The following ENO1 variants were observed in gnomAD, a reference collection of about 807,000 sequenced individuals.
ENO1 encodes enolase 1.
In ENO1, 33 loss-of-function variants were observed where a neutral mutation model predicts 46.3. The observed-to-expected ratio is 0.71, with a 90% CI of 0.54 to 0.95. The LOEUF is 0.95. ENO1 is among the 40% of genes least tolerant of loss of function. ENO1 has a pLI of 0.00. For missense variants in ENO1, 488 were observed against 553.3 expected (o/e 0.88, Z 1.18); for synonymous variants, 220 against 216.0 (o/e 1.02, Z -0.16).
intron 10 of ENO1, 114 bp downstream of exon 10, chr1:8,863,121 G>A (rs1416417009): frequency 1.4e-6 from 2 of 1,382,528 alleles, no homozygotes; most frequent in African/African-American, 1.4e-5. Context: ...TCAGAAACAA[G>A]AGCACTGACT....
Position 8,861,071 on chromosome 1 carries a change from G to A in ENO1, c.*289C>T, listed in dbSNP as rs943190387. 15 of 365,824 alleles carry A rather than the reference G, an allele frequency of 4.1e-5. No homozygotes were observed. The highest frequency in any genetic ancestry group is 1.0e-4 in the African/African-American group (5 of 48,524). 22.7% of individuals were successfully genotyped at this position (365,824 alleles called of 1,614,324 possible). On this transcript the variant is annotated 3_prime_UTR_variant, in exon 12 of 12. Coordinates refer to ENST00000234590, the MANE Select transcript of ENO1 (RefSeq NM_001428.5). ...CGGGGATCTAGCCTGTGGCCACCCC[G>A]GAGATGACACGAGGCTCACATGACT...
rs1642563258 is a variant in ENO1, at chr1:8,868,173, G to A, written c.241-116C>T. The A allele has an allele frequency of 6.2e-6, 5 of 801,070 alleles. No homozygotes were observed. The South Asian group carries it at 8.9e-5, about 14-fold the overall frequency. 49.6% of individuals were successfully genotyped at this position (801,070 alleles called of 1,614,324 possible). On this transcript the variant is annotated intron_variant, in intron 4 of 11. Transcript: ENST00000234590. ...GTAATATCAAAATCAATTCTGTGATGTTTGTTTTATAAGCAAAAAAAGTGG... is the reference window on the plus strand; with the variant it reads ...GTAATATCAAAATCAATTCTGTGATATTTGTTTTATAAGCAAAAAAAGTGG...
chr1:8,877,285 C>A (rs546795831), intron 1 of ENO1, among the ~76,000 whole-genome samples: 5 of 151,656 alleles, frequency 3.3e-5, no homozygotes, highest in East Asian at 2.0e-4. Flanking sequence ...CGGGGTTTCA[C>A]CACGTTGGTC....
chr1:8,873,960 TAAG>T (rs1642685497), intron 2 of ENO1: 1 of 152,206 alleles, frequency 6.6e-6, no homozygotes, highest in Non-Finnish European at 1.5e-5. Flanking sequence ...TAATTTTTCA[TAAG>T]AAAACTCCTC....
At chr1:8,867,810 G>A (rs560732352) in intron 5 of ENO1, among the ~76,000 whole-genome samples, 178 bp downstream of exon 5, 11 of 152,270 alleles carry the variant, frequency 7.2e-5, no homozygotes, top group South Asian at 4.1e-4. Flanking sequence ...GATTACAGGC[G>A]TGAGCCACCG....
At chr1:8,878,379 C>T (rs1029698182) in intron 1 of ENO1, 4 of 315,572 alleles carry the variant, frequency 1.3e-5, no homozygotes, top group South Asian at 7.0e-5. Flanking sequence ...CCAGCACGTG[C>T]GCCTGGCATT....
At chr1:8,866,237 G>A (rs878907980) in intron 7 of ENO1, 42 bp downstream of exon 7, 10 of 1,588,672 alleles carry the variant, frequency 6.3e-6, no homozygotes, top group Middle Eastern at 1.8e-4. Flanking sequence ...GGGAGCTGGC[G>A]CTGCAGGGCT....
At chr1:8,870,628 G>A in intron 3 of ENO1, 118 bp from the exon 4 acceptor site, 1 of 1,537,178 alleles carries the variant, frequency 6.5e-7, no homozygotes, top group African/African-American at 1.4e-5. Context: ...ACCTTCTGTG[G>A]GACCTCTTCC....
intron 6 of ENO1, 115 bp from the exon 7 acceptor site, chr1:8,866,616 T>C: frequency 8.9e-7 from 1 of 1,128,800 alleles, no homozygotes; most frequent in Non-Finnish European, 1.3e-6. Context: ...AAGACTTGCT[T>C]CTTGAGGAGC....
At chr1:8,863,468 T>A in intron 9 of ENO1, 125 bp from the exon 10 acceptor site, 2 of 926,384 alleles carry the variant, frequency 2.2e-6, no homozygotes, top group Non-Finnish European at 3.2e-6. Flanking sequence ...AAGCCCTCCA[T>A]GCCTGGGCTT....
At chr1:8,867,020 CAT>C in intron 6 of ENO1, 95 bp downstream of exon 6, 1 of 1,522,854 alleles carries the variant, frequency 6.6e-7, no homozygotes, top group African/African-American at 1.4e-5. Flanking sequence ...GGGAGAGTCA[CAT>C]GTGTTAGGAT....
intron 1 of ENO1, among the ~76,000 whole-genome samples, chr1:8,875,612 T>C (rs891246474): frequency 2.6e-5 from 4 of 152,206 alleles, no homozygotes; most frequent in African/African-American, 9.7e-5. Context: ...TTCAGATTAA[T>C]ATTCACTTAG....
Position 8,870,470 on chromosome 1 carries a change from C to T in ENO1, c.222G>A (p.Ala74=), listed in dbSNP as rs879912370. ...GTCCTACCTTGCTAACCAGGGCAGG[C>T]GCAATAGTTTTATTGATGTGCTCAA... The part of the protein sequence containing the change: ...KAVEHINKTI[A]PALVSKKLNV... The change falls in exon 4 of 12, where the codon GCG becomes GCA. Residue 74 remains alanine, a synonymous_variant. Transcript: ENST00000234590. The T allele has an allele frequency of 2.4e-5, 39 of 1,613,978 alleles. No homozygotes were observed. The highest frequency in any genetic ancestry group is 3.0e-5 in the Non-Finnish European group (35 of 1,180,022).
At chr1:8,866,252 G>C (rs368373202) in intron 7 of ENO1, 27 bp downstream of exon 7, 369 of 1,600,718 alleles carry the variant, frequency 2.3e-4, no homozygotes, top group Middle Eastern at 3.5e-4. Flanking sequence ...AGGGCTGGGT[G>C]GGGGGGCGGT....
At chr1:8,869,213 G>A (rs1289763895) in intron 4 of ENO1, among the ~76,000 whole-genome samples, 1 of 148,524 alleles carries the variant, frequency 6.7e-6, no homozygotes, top group African/African-American at 2.6e-5. Context: ...AGTTTGGTAT[G>A]TTTCTCTAGG....
In ENO1 at chr1:8,865,402, C is replaced by G. The variant is rs11544512; in HGVS notation, c.748G>C (p.Glu250Gln). 1.9e-6 allele frequency: 3 copies of G among 1,614,148 alleles called. No homozygotes were observed. The Admixed American group carries it at 5.0e-5, about 27-fold the overall frequency. ...TCATACTTCCCAGACCTGAAGAACT[C>G]GGAGGCCGCTACGTCCATGCCGATG... is the stretch of plus-strand genomic sequence containing the variant. ...VVIGMDVAAS[E>Q]FFRSGKYDLD... is the part of the protein sequence containing the mutation. Residue 250 changes from glutamate to glutamine, a missense_variant, in exon 8 of 12, where the codon GAG becomes CAG. Physicochemically the swap from Glu to Gln is conservative, Grantham distance 29. Transcript: ENST00000234590.
chr1:8,863,130 C>T (rs1216974683), intron 10 of ENO1, 105 bp downstream of exon 10: 1 of 1,422,402 alleles, frequency 7.0e-7, no homozygotes, highest in Non-Finnish European at 9.7e-7. Flanking sequence ...AGAGCACTGA[C>T]TCAGGGGACA....
rs924632713 is a variant in ENO1, at chr1:8,861,321, G to A, written c.*39C>T. On this transcript the variant is annotated 3_prime_UTR_variant, in exon 12 of 12. Transcript: ENST00000234590. ...AGCTGACACGAGGGGAGGGGTCTGT[G>A]TAGCCAACAGGTGACCGAAGGGCTT... The A allele has an allele frequency of 1.2e-6, 2 of 1,609,768 alleles. No homozygotes were observed. The highest frequency in any genetic ancestry group is 2.2e-5 in the East Asian group (1 of 44,858).
At chr1:8,876,117 G>A (rs1642726528) in intron 1 of ENO1, 1 of 151,712 alleles carries the variant, frequency 6.6e-6, no homozygotes, top group Admixed American at 6.6e-5. Context: ...TTTTTTCCTT[G>A]GCGCTCTCCA....
Sources: allele counts gnomAD v4.1 joint callset (sites outside exome capture counted in the v4.1 genomes callset), GRCh38; gene constraint gnomAD v4.1.1; transcripts MANE v1.5; gene names NCBI Gene and HGNC (gene_info 2026-07-23, HGNC 2026-07-21).